AOAH: variants seen among roughly 807,000 people sequenced by gnomAD.
AOAH encodes the protein acyloxyacyl hydrolase (neutrophil).
In AOAH, 64 loss-of-function variants were observed where a neutral mutation model predicts 92.2. The observed-to-expected ratio is 0.69, with a 90% CI of 0.57 to 0.86. The LOEUF (loss-of-function observed/expected upper bound fraction) is 0.86. Ranked by LOEUF, AOAH falls within the 40% of genes least tolerant of loss-of-function variation. The probability of loss-of-function intolerance (pLI) is 0.00; values close to 1 mark genes in which losing one functional copy is unlikely to be tolerated. For missense variants in AOAH, 656 were observed against 694.6 expected (o/e 0.94, Z 0.62); for synonymous variants, 263 against 254.5 (o/e 1.03, Z -0.32).
chr7:36,530,794 T>C (rs1405014111), intron 18 of AOAH: 1 of 295,244 alleles, frequency 3.4e-6, no homozygotes, highest in African/African-American at 2.2e-5. Flanking sequence ...AACCATGATA[T>C]TGAATGTTGT....
intron 12 of AOAH, among the ~76,000 whole-genome samples, chr7:36,591,492 T>C (rs1789739812): frequency 6.6e-6 from 1 of 152,208 alleles, no homozygotes; most frequent in Admixed American, 6.5e-5. Flanking sequence ...GGTGTCAGAA[T>C]TTCTCTGCAT....
chr7:36,622,563 G>GCACA lies in AOAH; in HGVS notation c.582+623_582+626dup, dbSNP rs3053540. ...ACATTTTAACTGTTCTGAATCAAAC[G>GCACA]CACACACACACACACGTTAAAAAGT... On this transcript the variant is annotated intron_variant, in intron 7 of 20. Transcript: ENST00000617537. Among the ~76,000 whole-genome samples the GCACA allele has an allele frequency of 1.1e-4, 16 of 151,290 alleles. No homozygotes were observed. In the South Asian group the frequency reaches 1.5e-3, roughly 14 times the overall value.
intron 4 of AOAH, among the ~76,000 whole-genome samples, chr7:36,643,578 A>G (rs1409242427): frequency 2.0e-5 from 3 of 152,208 alleles, no homozygotes; most frequent in Admixed American, 2.0e-4. Flanking sequence ...TCTTCCATTC[A>G]ATCATTTTTT....
intron 11 of AOAH, among the ~76,000 whole-genome samples, chr7:36,607,234 G>A (rs76389356): frequency 0.017 from 2,647 of 152,294 alleles, 35 homozygotes; most frequent in Non-Finnish European, 0.028. Context: ...AGGCAAAGAA[G>A]TATCAACTAG....
chr7:36,646,012 G>A lies in AOAH; in HGVS notation c.391-8102C>T, dbSNP rs146604995. On this transcript the variant is annotated intron_variant, in intron 4 of 20. Transcript: ENST00000617537. ...AGGCAATACCTTTCTTAAAAAAAGC[G>A]TTATTTTAAACAGCATTATTCCCAC... is the stretch of plus-strand genomic sequence containing the variant. Among the ~76,000 whole-genome samples the A allele has an allele frequency of 7.9e-3, 1,209 of 152,152 alleles. 12 individuals carry two copies. Among genetic ancestry groups the A allele is most frequent in the Non-Finnish European group, 0.012 (847 of 68,006 alleles).
At chr7:36,613,203 A>G (rs189411148) in intron 11 of AOAH, among the ~76,000 whole-genome samples, 23 of 152,330 alleles carry the variant, frequency 1.5e-4, no homozygotes, top group Admixed American at 9.8e-4. Context: ...AGCACTTTCA[A>G]CACAATTTTT....
intron 15 of AOAH, among the ~76,000 whole-genome samples, chr7:36,541,844 C>T (rs1393540984): frequency 2.0e-5 from 3 of 152,194 alleles, no homozygotes; most frequent in African/African-American, 4.8e-5. Context: ...AATTTGGATT[C>T]GGATCCTAAC....
At chr7:36,665,043 G>A (rs917821564) in intron 3 of AOAH, among the ~76,000 whole-genome samples, 1 of 152,126 alleles carries the variant, frequency 6.6e-6, no homozygotes, top group Admixed American at 6.5e-5. Flanking sequence ...CTCCTACTAG[G>A]CCCTACCTCC....
At chr7:36,652,403 TG>T (rs1562660617) in intron 4 of AOAH, among the ~76,000 whole-genome samples, 1 of 152,226 alleles carries the variant, frequency 6.6e-6, no homozygotes, top group Non-Finnish European at 1.5e-5. Flanking sequence ...AGGAGAGAGA[TG>T]TTTTTTACAT....
At position 36,548,686 on chromosome 7, in the gene AOAH, G is replaced by C; in HGVS notation, c.1059C>G (p.Ser353Arg). ...SSRNLKKFIE[S>R]LSRNKVLDYP... ...AGTCCAACACCTTGTTTCTAGACAA[G>C]CTGAGAAGGCATAGATGGAATCTGA... The change falls in exon 15 of 21, where the codon AGC becomes AGG. Residue 353 changes from serine to arginine, a missense_variant and splice_region_variant. Coordinates refer to ENST00000617537, the MANE Select transcript of AOAH (RefSeq NM_001637.4). 6.2e-7 allele frequency: 1 copy of C among 1,612,678 alleles called. No homozygotes were observed. Among genetic ancestry groups the C allele is most frequent in the Non-Finnish European group, 8.5e-7 (1 of 1,178,842 alleles).
intron 1 of AOAH, among the ~76,000 whole-genome samples, chr7:36,692,311 G>A (rs1031587339): frequency 1.3e-5 from 2 of 152,152 alleles, no homozygotes; most frequent in Non-Finnish European, 2.9e-5. Context: ...AGGCACAGAA[G>A]CTCATCTTTG....
intron 11 of AOAH, among the ~76,000 whole-genome samples, chr7:36,608,917 G>C (rs1260637875): frequency 1.5e-5 from 2 of 136,538 alleles, no homozygotes; most frequent in Non-Finnish European, 3.2e-5. Flanking sequence ...GGGAGGGGGG[G>C]GGGTCTGGTA....
chr7:36,574,754 C>A lies in AOAH; in HGVS notation c.1021+1820G>T, dbSNP rs1788365844. Among the ~76,000 whole-genome samples the A allele has an allele frequency of 5.3e-5, 8 of 152,082 alleles. No homozygotes were observed. In the South Asian group the frequency reaches 1.7e-3, roughly 31 times the overall value. ...TATTTCTGTATACAAATAAAATCAT[C>A]AGGAAACAGAAAAGCGGAAAAAAAT... On this transcript the variant is annotated intron_variant, in intron 13 of 20. Transcript: ENST00000617537.
chr7:36,637,766 C>T (rs1645091652), intron 5 of AOAH, 85 bp downstream of exon 5: 1 of 1,273,474 alleles, frequency 7.9e-7, no homozygotes, highest in African/African-American at 1.5e-5. Flanking sequence ...CCGGAGTAGT[C>T]CTTGCCTTTG....
chr7:36,638,334 C>T (rs943600895), intron 4 of AOAH, among the ~76,000 whole-genome samples: 1 of 152,196 alleles, frequency 6.6e-6, no homozygotes, highest in South Asian at 2.1e-4. Flanking sequence ...CTGTCAACAG[C>T]CTACTTGAGT....
rs558552768 is a variant in AOAH at position 36,548,680 on chromosome 7, A to G, written c.1065T>C (p.Ser355=). Residue 355 remains serine, a synonymous_variant, in exon 15 of 21, where the codon TCT becomes TCC. Transcript: ENST00000617537. Reference sequence around the variant, plus strand: ...CGGGATAGTCCAACACCTTGTTTCTAGACAAGCTGAGAAGGCATAGATGGA... The same window carrying G: ...CGGGATAGTCCAACACCTTGTTTCTGGACAAGCTGAGAAGGCATAGATGGA... ...RNLKKFIESL[S]RNKVLDYPAI... is the part of the protein sequence containing the mutation. The G allele has an allele frequency of 6.8e-6, 11 of 1,613,126 alleles. No individual in the cohort carries two copies. The highest frequency in any genetic ancestry group is 9.3e-6 in the Non-Finnish European group (11 of 1,179,314).
intron 3 of AOAH, among the ~76,000 whole-genome samples, chr7:36,672,578 C>T (rs1795999577): frequency 6.6e-6 from 1 of 152,102 alleles, no homozygotes; most frequent in Admixed American, 6.5e-5. Flanking sequence ...AATGCGAACA[C>T]ATGGACACAG....
chr7:36,700,540 T>C (rs891542831), intron 1 of AOAH, among the ~76,000 whole-genome samples: 2 of 152,072 alleles, frequency 1.3e-5, no homozygotes, highest in African/African-American at 4.8e-5. Context: ...TTGTTGTATA[T>C]TTATACACAT....
intron 5 of AOAH, 64 bp downstream of exon 5, chr7:36,637,787 G>T (rs1007211284): frequency 6.8e-7 from 1 of 1,477,766 alleles, no homozygotes. Context: ...GGATGTGAAA[G>T]CCGGGGCCAG....
Sources: allele counts gnomAD v4.1 joint callset (sites outside exome capture counted in the v4.1 genomes callset), GRCh38; gene constraint gnomAD v4.1.1; transcripts MANE v1.5; gene names NCBI Gene and HGNC (gene_info 2026-07-23, HGNC 2026-07-21).